The following HIPK2 variants were observed in gnomAD, a reference collection of about 807,000 sequenced individuals.
HIPK2 encodes the protein homeodomain-interacting protein kinase 2.
HIPK2 carries 27 observed loss-of-function variants against 113.7 expected under a neutral mutation model. That is an observed-to-expected ratio of 0.24 (90% CI 0.17 to 0.33). The LOEUF (loss-of-function observed/expected upper bound fraction) is 0.33, where lower values mean the gene tolerates loss of function less well. Ranked by LOEUF, HIPK2 falls within the 10% of genes least tolerant of loss-of-function variation. The pLI, the probability that HIPK2 is intolerant of heterozygous loss-of-function variation, is 1.00. For synonymous variants in HIPK2, 631 were observed against 642.2 expected, an observed-to-expected ratio of 0.98 and a Z score of 0.26; for missense variants, 1,257 against 1,588.0, an observed-to-expected ratio of 0.79 and a Z score of 3.54.
At chr7:139,622,221 A>C (rs531472609) in intron 6 of HIPK2, among the ~76,000 whole-genome samples, 45 of 152,272 alleles carry the variant, frequency 3.0e-4, no homozygotes, top group African/African-American at 1.0e-3. Context: ...GATTCTGACC[A>C]CTTACACTGG....
At chr7:139,694,991 CT>C (rs1794522193) in intron 2 of HIPK2, among the ~76,000 whole-genome samples, 1 of 152,164 alleles carries the variant, frequency 6.6e-6, no homozygotes, top group Admixed American at 6.5e-5. Context: ...GGCTCGCCCC[CT>C]ATTATATGGC....
intron 2 of HIPK2, among the ~76,000 whole-genome samples, chr7:139,698,336 C>T (rs1185811293): frequency 4.6e-5 from 7 of 152,172 alleles, no homozygotes; most frequent in Non-Finnish European, 1.0e-4. Context: ...TCTATACCAC[C>T]ATTTGCATAT....
chr7:139,604,312 G>T lies in HIPK2; in HGVS notation c.2113-89C>A, dbSNP rs536465186. ...CCACACTTATTCTGTGCCTGGGGTT[G>T]TGCTAGACATTCTCATGGGTGTGAG... is the stretch of plus-strand genomic sequence containing the variant. On this transcript the variant is annotated intron_variant, in intron 9 of 14. Transcript: ENST00000406875. 1.7e-5 allele frequency: 25 copies of T among 1,514,948 alleles called. No homozygotes were observed. In the African/African-American group the frequency reaches 3.3e-4, roughly 20 times the overall value. The allele number at this position is 1,514,948 out of a possible 1,614,324, so 93.8% of individuals were successfully genotyped here. A position where few individuals can be genotyped will look rare whatever the true frequency, so the allele number is the denominator to read the frequency against.
chr7:139,690,696 A>G (rs1471615675), intron 2 of HIPK2, among the ~76,000 whole-genome samples: 1 of 152,154 alleles, frequency 6.6e-6, no homozygotes, highest in African/African-American at 2.4e-5. Context: ...ATACAAATTT[A>G]AAGAGCCTGG....
rs1350522026 is a variant in HIPK2 at position 139,630,932 on chromosome 7, C to A, written c.1347+233G>T. On this transcript the variant is annotated intron_variant, in intron 4 of 14. Transcript: ENST00000406875. The surrounding 1 kb of genome is among the most constrained non-coding windows in gnomAD (Gnocchi z 4.0). ...AAATCAGACAGTCATCAAGGCTTAT[C>A]GGATTAAATCCTGGGAGTTCAGCAA... Among the ~76,000 whole-genome samples the A allele has an allele frequency of 6.6e-6, 1 of 152,210 alleles. No homozygotes were observed. Among genetic ancestry groups the A allele is most frequent in the Non-Finnish European group, 1.5e-5 (1 of 68,034 alleles).
At chr7:139,722,373 G>A (rs1795438777) in intron 1 of HIPK2, among the ~76,000 whole-genome samples, 1 of 152,090 alleles carries the variant, frequency 6.6e-6, no homozygotes, top group Non-Finnish European at 1.5e-5. Context: ...CCAGACTTAG[G>A]GTGCACTTTG....
rs755087607 is a variant in HIPK2 at position 139,600,429 on chromosome 7, T to A, written c.2423A>T (p.Gln808Leu). The part of the protein sequence containing the change: ...TTSSRKSKQH[Q>L]SSVRNVSTCE... ...TCTCACCACCTACCTCACAGATGAC[T>A]GGTGCTGCTTACTCTTCCGGGAGGA... The change falls in exon 11 of 15, where the codon CAG becomes CTG. Residue 808 changes from glutamine to leucine, a missense_variant. Coordinates refer to ENST00000406875, the MANE Select transcript of HIPK2 (RefSeq NM_022740.5). 1 of 1,613,270 alleles carries A rather than the reference T, an allele frequency of 6.2e-7. No individual in the cohort carries two copies. Among genetic ancestry groups the A allele is most frequent in the African/African-American group, 1.3e-5 (1 of 74,918 alleles).
intron 7 of HIPK2, among the ~76,000 whole-genome samples, chr7:139,615,492 A>G (rs963340355): frequency 6.6e-6 from 1 of 152,236 alleles, no homozygotes; most frequent in African/African-American, 2.4e-5. Context: ...CTGAACTTGC[A>G]TGAAAAATGA....
intron 9 of HIPK2, among the ~76,000 whole-genome samples, chr7:139,608,252 CGTGTGTGT>C (rs55989071): frequency 5.9e-4 from 81 of 136,960 alleles, no homozygotes; most frequent in African/African-American, 1.7e-3. Context: ...CAAAAAAATA[CGTGTGTGT>C]GTGTGTGTGT....
At chr7:139,672,376 G>C (rs1802333317) in intron 2 of HIPK2, among the ~76,000 whole-genome samples, 1 of 152,098 alleles carries the variant, frequency 6.6e-6, no homozygotes, top group Non-Finnish European at 1.5e-5. Flanking sequence ...TTCTAAATAT[G>C]TCATACCAAG....
chr7:139,645,326 C>T (rs2116413316), intron 2 of HIPK2, among the ~76,000 whole-genome samples: 1 of 152,268 alleles, frequency 6.6e-6, no homozygotes, highest in East Asian at 1.9e-4. Context: ...GAGATACATT[C>T]AGTGTCACCA....
intron 10 of HIPK2, among the ~76,000 whole-genome samples, chr7:139,600,889 T>A (rs1243116789): frequency 6.6e-6 from 1 of 152,188 alleles, no homozygotes; most frequent in Non-Finnish European, 1.5e-5. Context: ...GAGATAAATA[T>A]TCCCTCCAAC....
intron 2 of HIPK2, chr7:139,715,728 G>T: frequency 2.7e-6 from 1 of 375,094 alleles, no homozygotes; most frequent in Non-Finnish European, 3.7e-6. Context: ...CCTGTGCCAC[G>T]GATCTTACCT....
intron 2 of HIPK2, among the ~76,000 whole-genome samples, chr7:139,654,566 T>C (rs144984700): frequency 1.3e-5 from 2 of 152,196 alleles, no homozygotes; most frequent in African/African-American, 4.8e-5. Context: ...AAACACATCT[T>C]TGGAACTGTT....
At chr7:139,742,596 T>C (rs1336263094) in intron 1 of HIPK2, among the ~76,000 whole-genome samples, 1 of 152,248 alleles carries the variant, frequency 6.6e-6, no homozygotes, top group African/African-American at 2.4e-5. Flanking sequence ...AAGGAATCTT[T>C]TAGCTCTAAC....
chr7:139,594,854 C>T lies in HIPK2; in HGVS notation c.2717+1863G>A, dbSNP rs180887725. ...TGTCTGTGGCTGCCCCTCACCTGTG[C>T]ACCTGGCTCTCTCTCCCAGGTTTCT... On this transcript the variant is annotated intron_variant, in intron 12 of 14. Coordinates refer to ENST00000406875, the MANE Select transcript of HIPK2 (RefSeq NM_022740.5). Among the ~76,000 whole-genome samples, 10 of 152,340 alleles carry T rather than the reference C, an allele frequency of 6.6e-5. No homozygotes were observed. In the East Asian group the frequency reaches 1.9e-3, roughly 29 times the overall value.
intron 1 of HIPK2, among the ~76,000 whole-genome samples, chr7:139,732,871 T>A (rs1466102969): frequency 1.3e-5 from 2 of 149,178 alleles, no homozygotes; most frequent in Non-Finnish European, 3.0e-5. Flanking sequence ...CTGATATGGT[T>A]TGGATCAGTG....
chr7:139,612,915 CAGTT>C (rs1328275518), intron 9 of HIPK2, among the ~76,000 whole-genome samples: 1 of 152,124 alleles, frequency 6.6e-6, no homozygotes, highest in Non-Finnish European at 1.5e-5. Context: ...AAGTTACTAG[CAGTT>C]AGGATTAAAA....
chr7:139,565,894 T>G lies in HIPK2; in HGVS notation c.*7033A>C, dbSNP rs1410779420. The G allele has an allele frequency of 6.6e-6, 1 of 152,008 alleles. No individual in the cohort carries two copies. The highest frequency in any genetic ancestry group is 1.5e-5 in the Non-Finnish European group (1 of 67,980). The allele number at this position is 152,008 out of a possible 1,614,324, so 9.4% of individuals were successfully genotyped here. On this transcript the variant is annotated 3_prime_UTR_variant, in exon 15 of 15. Coordinates refer to ENST00000406875, the MANE Select transcript of HIPK2 (RefSeq NM_022740.5). ...TCAAGTGCAGTAAAAAATAGCATTT[T>G]GAAAAAAATATATACCTTTAGTATT...
Sources: allele counts gnomAD v4.1 joint callset (sites outside exome capture counted in the v4.1 genomes callset), GRCh38; gene constraint gnomAD v4.1.1; non-coding constraint Gnocchi (gnomAD v3.1); transcripts MANE v1.5; gene names NCBI Gene and HGNC (gene_info 2026-07-23, HGNC 2026-07-21).